Variants in WRN observed in about 807,000 individuals in gnomAD.
The protein encoded by WRN is WRN RecQ like helicase, also known as bifunctional 3'-5' exonuclease/ATP-dependent helicase WRN.
Under a neutral mutation model 180.7 loss-of-function variants are expected in WRN, and 149 were observed. The ratio of observed to expected loss-of-function variants is 0.82; its 90% confidence interval spans 0.72 to 0.94. The LOEUF is 0.94. Ranked by LOEUF, WRN falls within the 40% of genes least tolerant of loss-of-function variation. The pLI, the probability that WRN is intolerant of heterozygous loss-of-function variation, is 0.00. For synonymous variants in WRN, 548 were observed against 568.9 expected (o/e 0.96, Z 0.52); for missense variants, 1,661 against 1,700.1 (o/e 0.98, Z 0.40).
intron 30 of WRN, among the ~76,000 whole-genome samples, chr8:31,149,300 G>C (rs983918931): frequency 6.6e-6 from 1 of 151,498 alleles, no homozygotes; most frequent in African/African-American, 2.4e-5. Context: ...TGGCGGCTGA[G>C]GCAGGAGAAT....
intron 30 of WRN, among the ~76,000 whole-genome samples, chr8:31,149,493 G>T (rs1447791341): frequency 1.1e-4 from 4 of 36,132 alleles, no homozygotes; most frequent in Admixed American, 4.3e-4. Flanking sequence ...TTTTTTTTTG[G>T]TGATAGAGTC....
chr8:31,138,115 T>G (rs899218740), intron 24 of WRN, among the ~76,000 whole-genome samples: 1 of 151,722 alleles, frequency 6.6e-6, no homozygotes, highest in African/African-American at 2.4e-5. Flanking sequence ...AAAAAAAAAT[T>G]AGAACTAGTT....
chr8:31,065,168 A>G (rs1419854957), intron 5 of WRN, 105 bp downstream of exon 5: 4 of 1,219,126 alleles, frequency 3.3e-6, no homozygotes, highest in Non-Finnish European at 4.6e-6. Flanking sequence ...AGCTTGTTAT[A>G]TAATGTTTTT....
intron 1 of WRN, among the ~76,000 whole-genome samples, chr8:31,051,304 A>T (rs6990523): frequency 6.6e-6 from 1 of 152,082 alleles, no homozygotes; most frequent in Non-Finnish European, 1.5e-5. Context: ...AGAAGATGAC[A>T]CTATTCTAAG....
intron 18 of WRN, 81 bp from the exon 19 acceptor site, chr8:31,111,534 G>A (rs944954021): frequency 6.5e-7 from 1 of 1,531,346 alleles, no homozygotes; most frequent in African/African-American, 1.4e-5. Context: ...TGTCCTACCA[G>A]TCTCTTTGTA....
intron 1 of WRN, among the ~76,000 whole-genome samples, chr8:31,037,128 C>T (rs1363834169): frequency 6.6e-6 from 1 of 152,154 alleles, no homozygotes; most frequent in Non-Finnish European, 1.5e-5. Flanking sequence ...TCACTGGGAG[C>T]CCTGAGCTTG....
chr8:31,047,430 G>A (rs559224756), intron 1 of WRN, among the ~76,000 whole-genome samples: 1 of 152,200 alleles, frequency 6.6e-6, no homozygotes, highest in Non-Finnish European at 1.5e-5. Flanking sequence ...ATCCAGCCAG[G>A]GCTGAGTTTC....
intron 33 of WRN, among the ~76,000 whole-genome samples, chr8:31,162,401 C>T (rs1217810917): frequency 6.6e-6 from 1 of 152,128 alleles, no homozygotes. Context: ...CACATCTTGT[C>T]CCACCAGGTC....
At chr8:31,097,449 T>G (rs549702260) in intron 17 of WRN, among the ~76,000 whole-genome samples, 22 of 152,334 alleles carry the variant, frequency 1.4e-4, no homozygotes, top group Non-Finnish European at 3.1e-4. Context: ...TACCTTTGAT[T>G]AGTTGCCACT....
At chr8:31,087,727 T>TA in intron 11 of WRN, 49 bp from the exon 12 acceptor site, 1 of 1,579,698 alleles carries the variant, frequency 6.3e-7, no homozygotes, top group South Asian at 1.1e-5. Context: ...GTGAAAAAGA[T>TA]ACGACACTGT....
intron 11 of WRN, among the ~76,000 whole-genome samples, chr8:31,085,736 C>A (rs573991415): frequency 6.6e-6 from 1 of 152,224 alleles, no homozygotes; most frequent in African/African-American, 2.4e-5. Context: ...TCCCAGCGTG[C>A]TGGGGATTGC....
chr8:31,155,776 C>T (rs941798640), intron 32 of WRN, among the ~76,000 whole-genome samples: 8 of 152,130 alleles, frequency 5.3e-5, no homozygotes, highest in Admixed American at 2.6e-4. Flanking sequence ...TTTGAGTTCA[C>T]ATCCTGTTGA....
chr8:31,080,853 A>C lies in WRN; in HGVS notation c.840-14A>C, dbSNP rs757309929. The C allele has an allele frequency of 1.1e-5, 17 of 1,580,990 alleles. No individual in the cohort carries two copies. The highest frequency in any genetic ancestry group is 1.3e-5 in the Non-Finnish European group (15 of 1,161,742). ...AATTGAAGTTGAATTAATCTTTCTT[A>C]ATTTTTTTTTTAGGGTTTCTATCTT... On this transcript the variant is annotated splice_polypyrimidine_tract_variant and intron_variant, in intron 8 of 34. Transcript: ENST00000298139.
chr8:31,048,628 A>G (rs923003895), intron 1 of WRN, among the ~76,000 whole-genome samples: 17 of 152,218 alleles, frequency 1.1e-4, no homozygotes, highest in Non-Finnish European at 2.9e-5. Context: ...ATGTAATATA[A>G]TAAAAGAAAT....
chr8:31,148,661 A>G (rs1389905390), intron 30 of WRN, among the ~76,000 whole-genome samples: 1 of 152,202 alleles, frequency 6.6e-6, no homozygotes, highest in Non-Finnish European at 1.5e-5. Flanking sequence ...TTATTACTGT[A>G]AAGACTATGA....
At chr8:31,130,015 C>CAAAAA (rs140033395) in intron 23 of WRN, among the ~76,000 whole-genome samples, 1 of 128,668 alleles carries the variant, frequency 7.8e-6, no homozygotes. Context: ...AAAAAAAAAA[C>CAAAAA]AAAACAAAAC....
chr8:31,136,833 T>C (rs1355647792), intron 24 of WRN, among the ~76,000 whole-genome samples: 1 of 129,332 alleles, frequency 7.7e-6, no homozygotes, highest in Non-Finnish European at 1.7e-5. Flanking sequence ...CAATACCCTG[T>C]CTCGAATGAA....
At chr8:31,149,490 T>G (rs1803021913) in intron 30 of WRN, among the ~76,000 whole-genome samples, 4 of 73,724 alleles carry the variant, frequency 5.4e-5, no homozygotes, top group African/African-American at 1.5e-4. Context: ...TTTTTTTTTT[T>G]TGGTGATAGA....
chr8:31,075,444 G>A (rs1030579530), intron 7 of WRN, among the ~76,000 whole-genome samples: 2 of 152,108 alleles, frequency 1.3e-5, no homozygotes, highest in African/African-American at 4.8e-5. Context: ...GGGGGTGGCA[G>A]CTCATGCCTG....
Sources: gnomAD v4.1 joint callset for allele counts (sites outside exome capture counted in the v4.1 genomes callset) on GRCh38, gnomAD v4.1.1 for gene constraint, MANE v1.5 for transcripts, NCBI Gene and HGNC (gene_info 2026-07-23, HGNC 2026-07-21) for gene names.